Variants in CDK15 observed in about 807,000 individuals in gnomAD.
The protein encoded by CDK15 is cyclin-dependent kinase 15.
CDK15 carries 62 observed loss-of-function variants against 60.3 expected under a neutral mutation model. The ratio of observed to expected loss-of-function variants is 1.03; its 90% CI spans 0.84 to 1.27. The LOEUF (loss-of-function observed/expected upper bound fraction) is 1.27, where lower values mean the gene tolerates loss of function less well. Ranked by LOEUF, CDK15 falls within the 50% of genes most tolerant of loss-of-function variation. The probability of loss-of-function intolerance (pLI) is 0.00; values close to 1 mark genes in which losing one functional copy is unlikely to be tolerated. For missense variants in CDK15, 541 were observed against 527.8 expected, an observed-to-expected ratio of 1.03 and a Z score of -0.25; for synonymous variants, 194 against 195.7, an observed-to-expected ratio of 0.99 and a Z score of 0.07.
chr2:201,854,794 G>C, intron 9 of CDK15, 80 bp from the exon 10 acceptor site: 1 of 1,189,726 alleles, frequency 8.4e-7, no homozygotes, highest in South Asian at 1.2e-5. Flanking sequence ...TCCCTGATTT[G>C]TCCTGCATGT....
At chr2:201,827,263 T>C (rs1696549074) in intron 6 of CDK15, among the ~76,000 whole-genome samples, 1 of 152,114 alleles carries the variant, frequency 6.6e-6, no homozygotes, top group Admixed American at 6.6e-5. Context: ...ATGGGCAACA[T>C]AGCAAGACCT....
upstream of CDK15, chr2:201,806,462 A>G (rs79944837): frequency 1.7e-3 from 729 of 439,160 alleles, 1 homozygote; most frequent in East Asian, 2.2e-3. Flanking sequence ...ATCTGAATGC[A>G]AGCAATCCCT....
At chr2:201,811,327 T>G (rs947106116) in intron 3 of CDK15, among the ~76,000 whole-genome samples, 1 of 150,080 alleles carries the variant, frequency 6.7e-6, no homozygotes, top group African/African-American at 2.5e-5. Flanking sequence ...ATTTTTTGTA[T>G]TTTTAGTAGA....
At chr2:201,885,177 A>G (rs1157709278) in intron 12 of CDK15, among the ~76,000 whole-genome samples, 3 of 152,210 alleles carry the variant, frequency 2.0e-5, no homozygotes, top group Non-Finnish European at 2.9e-5. Context: ...TTACCATCGT[A>G]TGCCTTTTTG....
intron 9 of CDK15, among the ~76,000 whole-genome samples, chr2:201,849,677 G>T (rs544565007): frequency 6.6e-6 from 1 of 152,214 alleles, no homozygotes; most frequent in African/African-American, 2.4e-5. Context: ...ATATGTAAAA[G>T]GATGTATGTA....
chr2:201,891,543 C>A (rs1343584204), intron 13 of CDK15, among the ~76,000 whole-genome samples: 1 of 152,054 alleles, frequency 6.6e-6, no homozygotes, highest in African/African-American at 2.4e-5. Flanking sequence ...TGGTTGGTCA[C>A]CTTTGTGGCA....
At chr2:201,834,025 G>A in intron 7 of CDK15, 54 bp downstream of exon 7, 1 of 1,590,242 alleles carries the variant, frequency 6.3e-7, no homozygotes, top group South Asian at 1.1e-5. Flanking sequence ...GCTTTTGTGT[G>A]CACTTGTTTA....
At chr2:201,880,197 A>G in intron 12 of CDK15, 30 bp downstream of exon 12, 1 of 1,610,482 alleles carries the variant, frequency 6.2e-7, no homozygotes, top group Non-Finnish European at 8.5e-7. Flanking sequence ...CGTGTGCGTG[A>G]GTGCATGTGC....
At chr2:201,829,998 G>A (rs1303521366) in intron 6 of CDK15, among the ~76,000 whole-genome samples, 1 of 152,014 alleles carries the variant, frequency 6.6e-6, no homozygotes, top group Non-Finnish European at 1.5e-5. Context: ...AGTAGAGACG[G>A]GGTTTCACCA....
At chr2:201,881,328 TACTTAACCCTGTAG>T (rs552538339) in intron 12 of CDK15, among the ~76,000 whole-genome samples, 8 of 152,356 alleles carry the variant, frequency 5.3e-5, no homozygotes, top group African/African-American at 1.7e-4. Context: ...GTTAATGTCT[TACTTAACCCTGTAG>T]AAAGAGTCAG....
intron 12 of CDK15, among the ~76,000 whole-genome samples, chr2:201,884,399 A>C (rs1162379775): frequency 5.3e-5 from 8 of 152,248 alleles, no homozygotes; most frequent in African/African-American, 1.9e-4. Context: ...GTATACTTAT[A>C]TACACATAGG....
At chr2:201,865,986 A>C (rs1295470597) in intron 10 of CDK15, among the ~76,000 whole-genome samples, 1 of 148,710 alleles carries the variant, frequency 6.7e-6, no homozygotes, top group African/African-American at 2.5e-5. Flanking sequence ...AGAGTGAAGC[A>C]AACAGTTTTG....
intron 10 of CDK15, 72 bp downstream of exon 10, chr2:201,855,009 G>C: frequency 7.1e-7 from 1 of 1,411,750 alleles, no homozygotes; most frequent in Non-Finnish European, 1.0e-6. Context: ...ACGCTAACAG[G>C]GCGTTCTTGT....
intron 10 of CDK15, chr2:201,860,905 G>T: frequency 2.2e-6 from 3 of 1,343,644 alleles, no homozygotes; most frequent in Non-Finnish European, 2.9e-6. Flanking sequence ...AATGATCCTT[G>T]TCCCCACTGG....
intron 11 of CDK15, among the ~76,000 whole-genome samples, chr2:201,874,962 G>A (rs1039411729): frequency 6.6e-6 from 1 of 151,476 alleles, no homozygotes; most frequent in Non-Finnish European, 1.5e-5. Flanking sequence ...CTGCACCTCA[G>A]AGGTCAGTGG....
chr2:201,826,731 TGAG>T lies in CDK15; in HGVS notation c.606+3005_606+3007del, dbSNP rs1696526480. 2.0e-5 allele frequency among the ~76,000 whole-genome samples: 3 copies of T among 152,298 alleles called. 1 individual carries two copies. The highest frequency in any genetic ancestry group is 2.0e-4 in the Admixed American group (3 of 15,306). ...CATTTTAAAAAATGAAATAAATGGA[TGAG>T]AAGAGAATAGAAAATATTAGCATGC... On this transcript the variant is annotated intron_variant, in intron 6 of 13. Transcript: ENST00000652192.
At chr2:201,859,556 C>T (rs904810786) in intron 10 of CDK15, among the ~76,000 whole-genome samples, 1 of 152,202 alleles carries the variant, frequency 6.6e-6, no homozygotes, top group Non-Finnish European at 1.5e-5. Context: ...CATTCCTTTC[C>T]ATTTCATTCG....
At chr2:201,861,554 T>G in intron 10 of CDK15, 2 of 970,650 alleles carry the variant, frequency 2.1e-6, no homozygotes, top group Middle Eastern at 5.3e-4. Flanking sequence ...TTGGTTTGTT[T>G]TTTTTTTTTT....
intron 12 of CDK15, among the ~76,000 whole-genome samples, chr2:201,883,720 A>T (rs888856962): frequency 2.0e-5 from 3 of 152,190 alleles, no homozygotes; most frequent in Non-Finnish European, 2.9e-5. Context: ...GCTTTTGCAG[A>T]TGGCCAGGGA....
Sources: gnomAD v4.1 joint callset for allele counts (sites outside exome capture counted in the v4.1 genomes callset) on GRCh38, gnomAD v4.1.1 for gene constraint, MANE v1.5 for transcripts, NCBI Gene and HGNC (gene_info 2026-07-23, HGNC 2026-07-21) for gene names.